Variants in PSME4 observed in about 807,000 individuals in gnomAD.
PSME4 encodes the protein proteasome activator subunit 4.
Under a neutral mutation model 253.9 loss-of-function variants are expected in PSME4, and 89 were observed. That is an observed-to-expected ratio of 0.35 (90% CI 0.30 to 0.42). PSME4 has a LOEUF of 0.42. Ranked by LOEUF, PSME4 falls within the 10% of genes least tolerant of loss-of-function variation. The pLI is 1.00. For missense variants in PSME4, 2,014 were observed against 2,195.2 expected (o/e 0.92, Z 1.65); for synonymous variants, 851 against 759.2 (o/e 1.12, Z -1.99).
At chr2:53,872,022 A>G (rs573875560) in intron 43 of PSME4, among the ~76,000 whole-genome samples, 3 of 152,004 alleles carry the variant, frequency 2.0e-5, no homozygotes, top group South Asian at 2.1e-4. Context: ...CTCCAAAAAA[A>G]GGGGGGGCGG....
rs10599430 is a variant in PSME4, at chr2:53,876,716, C to CTTTTTTTTTTTT, written c.4816-973_4816-962dup. 7.8e-4 allele frequency among the ~76,000 whole-genome samples: 76 copies of CTTTTTTTTTTTT among 97,838 alleles called. 4 individuals are homozygous for CTTTTTTTTTTTT. Among genetic ancestry groups the CTTTTTTTTTTTT allele is most frequent in the Admixed American group, 1.3e-3 (10 of 7,798 alleles). The allele number at this position is 97,838 out of a possible 152,430, so 64.2% of individuals were successfully genotyped here. A position where few individuals can be genotyped will look rare whatever the true frequency, so the allele number is the denominator to read the frequency against. On this transcript the variant is annotated intron_variant, in intron 41 of 46. Transcript: ENST00000404125. ...TCTGATGGCTGTAGCCACTGTCATT[C>CTTTTTTTTTTTT]TTTTTTTTTTTTTTTTTTTTGAGAC...
chr2:53,897,272 C>T (rs899096199), intron 31 of PSME4, among the ~76,000 whole-genome samples: 3 of 150,344 alleles, frequency 2.0e-5, no homozygotes, highest in South Asian at 2.1e-4. Context: ...CGGGTTCAAG[C>T]GATTCTACTG....
At chr2:53,927,149 A>G (rs772341817) in intron 12 of PSME4, among the ~76,000 whole-genome samples, 1 of 152,240 alleles carries the variant, frequency 6.6e-6, no homozygotes, top group Non-Finnish European at 1.5e-5. Flanking sequence ...GAAAAGTGAC[A>G]TAAAACTGAA....
At chr2:53,945,854 G>C (rs1227792539) in intron 3 of PSME4, among the ~76,000 whole-genome samples, 1 of 152,222 alleles carries the variant, frequency 6.6e-6, no homozygotes, top group Non-Finnish European at 1.5e-5. Context: ...AATTGTCACA[G>C]TGTAGGTAAT....
intron 3 of PSME4, among the ~76,000 whole-genome samples, chr2:53,940,940 AATATATATATACATATATATATAT>A (rs1191250166): frequency 0.18 from 9,195 of 51,168 alleles, 1,220 homozygotes; most frequent in East Asian, 0.46. Context: ...TACATATATA[AATATATATATACATATATATATAT>A]ATATATATAT....
intron 35 of PSME4, 47 bp from the exon 36 acceptor site, chr2:53,893,007 C>T (rs547320134): frequency 5.1e-5 from 78 of 1,531,548 alleles, no homozygotes; most frequent in South Asian, 4.5e-4. Context: ...ACTATCATCT[C>T]GATTATAATT....
chr2:53,887,231 T>C (rs749266485), intron 40 of PSME4, 28 bp downstream of exon 40: 2 of 1,568,752 alleles, frequency 1.3e-6, no homozygotes, highest in Admixed American at 1.7e-5. Flanking sequence ...TGTTTTCAAC[T>C]GAGTTTCTAC....
At chr2:53,928,388 C>T (rs1668667981) in intron 10 of PSME4, 85 bp from the exon 11 acceptor site, 1 of 1,121,450 alleles carries the variant, frequency 8.9e-7, no homozygotes, top group African/African-American at 1.6e-5. Context: ...AATTCATAAA[C>T]TGCACTTTGA....
intron 44 of PSME4, among the ~76,000 whole-genome samples, chr2:53,867,454 G>A (rs971107830): frequency 1.4e-5 from 2 of 143,578 alleles, no homozygotes; most frequent in Non-Finnish European, 3.0e-5. Flanking sequence ...AGCCAAGATC[G>A]CACCACTGTA....
In PSME4 at chr2:53,894,984, C is replaced by G. The variant is rs77617147; in HGVS notation, c.3912+23G>C. On this transcript the variant is annotated intron_variant, in intron 34 of 46. Coordinates refer to ENST00000404125, the MANE Select transcript of PSME4 (RefSeq NM_014614.3). ...TGGCCCAAAACAAGATGCATTTGAA[C>G]CATGGTGAAATGGAATGCTTACCTC... 4.1e-5 allele frequency: 65 copies of G among 1,594,624 alleles called. No homozygotes were observed. The African/African-American group carries it at 8.0e-4, about 20-fold the overall frequency.
intron 36 of PSME4, among the ~76,000 whole-genome samples, chr2:53,891,115 A>G (rs1276779125): frequency 1.3e-5 from 2 of 152,382 alleles, no homozygotes; most frequent in Admixed American, 6.5e-5. Flanking sequence ...CAAAACCTCA[A>G]TCAAGTTTTC....
At chr2:53,892,558 T>A (rs1294521469) in intron 36 of PSME4, among the ~76,000 whole-genome samples, 1 of 152,202 alleles carries the variant, frequency 6.6e-6, no homozygotes, top group African/African-American at 2.4e-5. Context: ...AAACTGGAAT[T>A]CTTTTTTAAT....
intron 1 of PSME4, among the ~76,000 whole-genome samples, chr2:53,954,551 A>G (rs1670148219): frequency 6.6e-6 from 1 of 152,052 alleles, no homozygotes; most frequent in African/African-American, 2.4e-5. Context: ...TTGAGTAAAT[A>G]ATTCAGGTCA....
At chr2:53,867,208 T>A (rs1678606747) in intron 44 of PSME4, among the ~76,000 whole-genome samples, 1 of 152,006 alleles carries the variant, frequency 6.6e-6, no homozygotes, top group Non-Finnish European at 1.5e-5. Flanking sequence ...AAATAATTTT[T>A]AAAAATCAGC....
At chr2:53,925,076 C>G (rs1344213115) in intron 14 of PSME4, among the ~76,000 whole-genome samples, 1 of 152,214 alleles carries the variant, frequency 6.6e-6, no homozygotes, top group Non-Finnish European at 1.5e-5. Context: ...GCACAACTCT[C>G]TTATGCTTAG....
intron 3 of PSME4, among the ~76,000 whole-genome samples, chr2:53,940,416 C>G (rs916328208): frequency 1.3e-5 from 2 of 152,084 alleles, no homozygotes; most frequent in African/African-American, 4.8e-5. Context: ...CAGAAATTAG[C>G]TTTCACAACC....
chr2:53,940,032 T>A, intron 3 of PSME4, 32 bp from the exon 4 acceptor site: 1 of 1,483,190 alleles, frequency 6.7e-7, no homozygotes, highest in Non-Finnish European at 9.3e-7. Flanking sequence ...ATAATTAGAT[T>A]GGTGTATTTT....
In PSME4 at chr2:53,893,527, A is replaced by T. The variant is rs183938764; in HGVS notation, c.4038+147T>A. 2.8e-5 allele frequency: 41 copies of T among 1,439,670 alleles called. No homozygotes were observed. In the East Asian group the frequency reaches 1.0e-3, roughly 36 times the overall value. The allele number at this position is 1,439,670 out of a possible 1,614,324, so 89.2% of individuals were successfully genotyped here. A position where few individuals can be genotyped will look rare whatever the true frequency, so the allele number is the denominator to read the frequency against. ...GTCTTGTTTAGGGAATAACGACAAC[A>T]AAAGTCTGTACATGTTCAGTGTAAA... On this transcript the variant is annotated intron_variant, in intron 35 of 46. Transcript: ENST00000404125.
chr2:53,934,854 T>C, intron 7 of PSME4, 127 bp from the exon 8 acceptor site: 1 of 717,280 alleles, frequency 1.4e-6, no homozygotes, highest in Admixed American at 2.9e-5. Flanking sequence ...TAAGTGAAAT[T>C]ACATAGTATT....
Sources: gnomAD v4.1 joint callset for allele counts (sites outside exome capture counted in the v4.1 genomes callset) on GRCh38, gnomAD v4.1.1 for gene constraint, MANE v1.5 for transcripts, NCBI Gene and HGNC (gene_info 2026-07-23, HGNC 2026-07-21) for gene names.